Variants in SVOP observed in about 807,000 individuals in gnomAD.
The protein encoded by SVOP is SV2 related protein.
A neutral mutation model predicts 69.1 loss-of-function variants in SVOP; 17 were observed. The observed-to-expected ratio is 0.25, with a 90% confidence interval of 0.17 to 0.37. The LOEUF is 0.37. Among genes scored for constraint, SVOP ranks in the 10% least tolerant of loss-of-function variants. The probability of loss-of-function intolerance (pLI) is 1.00; values close to 1 mark genes in which losing one functional copy is unlikely to be tolerated. For missense variants in SVOP, 435 were observed against 597.5 expected, an observed-to-expected ratio of 0.73 and a Z score of 2.84; for synonymous variants, 238 against 238.6, an observed-to-expected ratio of 1.00 and a Z score of 0.02.
At chr12:108,918,859 G>A (rs369140564) in intron 13 of SVOP, among the ~76,000 whole-genome samples, 2 of 152,160 alleles carry the variant, frequency 1.3e-5, no homozygotes, top group East Asian at 3.9e-4. Context: ...GCAAAACTGG[G>A]GCCAAAGTTC....
At chr12:108,982,898 A>G (rs2137437936) in intron 2 of SVOP, among the ~76,000 whole-genome samples, 1 of 129,566 alleles carries the variant, frequency 7.7e-6, no homozygotes, top group East Asian at 2.3e-4. Context: ...CATCATCATC[A>G]TTGCCATCCT....
intron 11 of SVOP, among the ~76,000 whole-genome samples, chr12:108,933,970 C>CA (rs2039839768): frequency 6.6e-6 from 1 of 152,186 alleles, no homozygotes; most frequent in Non-Finnish European, 1.5e-5. Context: ...TATGTTTTAA[C>CA]AGTGCGAACT....
chr12:108,996,840 G>T (rs2040235401), intron 1 of SVOP, among the ~76,000 whole-genome samples: 1 of 151,854 alleles, frequency 6.6e-6, no homozygotes, highest in South Asian at 2.1e-4. Flanking sequence ...GCTAAAGTGG[G>T]AGAATCACTT....
chr12:109,013,413 CAG>C (rs1284061622), intron 1 of SVOP, among the ~76,000 whole-genome samples: 1 of 146,838 alleles, frequency 6.8e-6, no homozygotes, highest in Non-Finnish European at 1.5e-5. Flanking sequence ...TTTTCTGAGA[CAG>C]AGTCTCACTC....
chr12:109,015,863 G>A (rs189458291), intron 1 of SVOP, among the ~76,000 whole-genome samples: 13 of 152,222 alleles, frequency 8.5e-5, no homozygotes, highest in African/African-American at 2.2e-4. Flanking sequence ...CAAAGTTTCC[G>A]GCCAAATGGG....
intron 1 of SVOP, among the ~76,000 whole-genome samples, chr12:109,004,905 G>C (rs1432576633): frequency 6.6e-6 from 1 of 151,244 alleles, no homozygotes; most frequent in Non-Finnish European, 1.5e-5. Flanking sequence ...GCCTAGCTAA[G>C]TTTTGTAGTT....
At chr12:109,011,480 C>T (rs2040341289) in intron 1 of SVOP, among the ~76,000 whole-genome samples, 2 of 152,166 alleles carry the variant, frequency 1.3e-5, no homozygotes, top group Admixed American at 6.5e-5. Flanking sequence ...CCTTTGGCCC[C>T]ACTAGGTCTC....
chr12:108,917,909 G>T, intron 14 of SVOP, 134 bp downstream of exon 14: 1 of 634,110 alleles, frequency 1.6e-6, no homozygotes, highest in Non-Finnish European at 2.5e-6. Context: ...GCCTCCCAAA[G>T]TGTTGGGATT....
intron 9 of SVOP, 23 bp from the exon 10 acceptor site, chr12:108,937,360 T>C (rs1346829967): frequency 1.2e-6 from 2 of 1,611,536 alleles, no homozygotes; most frequent in Non-Finnish European, 1.7e-6. Context: ...AAGGACATAG[T>C]GTTTATTCTC....
chr12:108,997,683 A>AC (rs1241706619), intron 1 of SVOP, among the ~76,000 whole-genome samples: 1 of 151,082 alleles, frequency 6.6e-6, no homozygotes, highest in African/African-American at 2.4e-5. Context: ...ACTGGGAGGC[A>AC]CCCCCCAGCA....
chr12:109,013,565 A>C (rs1243504687), intron 1 of SVOP, among the ~76,000 whole-genome samples: 1 of 151,916 alleles, frequency 6.6e-6, no homozygotes, highest in Non-Finnish European at 1.5e-5. Flanking sequence ...TAATTTTTGC[A>C]TTTTTAGTAG....
intron 6 of SVOP, among the ~76,000 whole-genome samples, chr12:108,947,401 C>T (rs529319732): frequency 6.6e-6 from 1 of 152,226 alleles, no homozygotes; most frequent in African/African-American, 2.4e-5. Context: ...CTCACCATAT[C>T]TATATCTATC....
At chr12:108,933,507 A>G (rs2039835432) in intron 11 of SVOP, among the ~76,000 whole-genome samples, 1 of 126,700 alleles carries the variant, frequency 7.9e-6, no homozygotes. Context: ...GCAAAACACC[A>G]TCTTTACTAA....
chr12:109,008,757 G>T (rs1380765496), intron 1 of SVOP, among the ~76,000 whole-genome samples: 3 of 152,026 alleles, frequency 2.0e-5, no homozygotes, highest in African/African-American at 7.2e-5. Context: ...CAAGGAACTT[G>T]CCCAAGATCA....
In SVOP at chr12:109,011,031, C is replaced by T. The variant is rs544324796; in HGVS notation, c.35+9803G>A. On this transcript the variant is annotated intron_variant, in intron 1 of 15. Transcript: ENST00000610966. ...CTGGTTTCAAGCGATTCTCATGCCT[C>T]AGCCTCCCAAGTAGCTGGGATTACA... is the stretch of plus-strand genomic sequence containing the variant. Among the ~76,000 whole-genome samples the T allele has an allele frequency of 5.9e-5, 9 of 152,292 alleles. No individual in the cohort carries two copies. In the South Asian group the frequency reaches 1.7e-3, roughly 28 times the overall value.
At chr12:108,989,892 A>T (rs2040189913) in intron 1 of SVOP, among the ~76,000 whole-genome samples, 1 of 152,198 alleles carries the variant, frequency 6.6e-6, no homozygotes, top group African/African-American at 2.4e-5. Context: ...GTTATTGAGC[A>T]TTTGCTATAA....
intron 11 of SVOP, among the ~76,000 whole-genome samples, chr12:108,933,658 C>T (rs551442473): frequency 1.3e-5 from 2 of 151,648 alleles, no homozygotes; most frequent in African/African-American, 2.4e-5. Flanking sequence ...CCAGCCTGGG[C>T]GACAGAGCAA....
At chr12:108,971,551 C>T (rs1228385720) in intron 5 of SVOP, among the ~76,000 whole-genome samples, 1 of 152,208 alleles carries the variant, frequency 6.6e-6, no homozygotes, top group African/African-American at 2.4e-5. Flanking sequence ...GTTCCCTCTT[C>T]CTTCTTGTTT....
chr12:109,011,832 A>G (rs766134912), intron 1 of SVOP, among the ~76,000 whole-genome samples: 54 of 152,330 alleles, frequency 3.5e-4, no homozygotes, highest in Non-Finnish European at 6.5e-4. Flanking sequence ...ACATTGTGTT[A>G]AGTGAAATAA....
Sources: allele counts gnomAD v4.1 joint callset (sites outside exome capture counted in the v4.1 genomes callset), GRCh38; gene constraint gnomAD v4.1.1; transcripts MANE v1.5; gene names NCBI Gene and HGNC (gene_info 2026-07-23, HGNC 2026-07-21).